The following VEPH1 variants were observed in gnomAD, a reference collection of about 807,000 sequenced individuals.
The protein encoded by VEPH1 is ventricular zone expressed PH domain containing 1, also known as ventricular zone-expressed PH domain-containing protein homolog 1.
Under a neutral mutation model 85.2 loss-of-function variants are expected in VEPH1, and 80 were observed. The observed-to-expected ratio is 0.94, with a 90% CI of 0.78 to 1.13. The LOEUF is 1.13. Ranked by LOEUF, VEPH1 falls within the 50% of genes most tolerant of loss-of-function variation. VEPH1 has a pLI of 0.00. For missense variants in VEPH1, 955 were observed against 980.5 expected, an observed-to-expected ratio of 0.97 and a Z score of 0.35; for synonymous variants, 297 against 348.0, an observed-to-expected ratio of 0.85 and a Z score of 1.63.
At chr3:157,388,846 T>C (rs1216427497) in intron 6 of VEPH1, among the ~76,000 whole-genome samples, 1 of 152,228 alleles carries the variant, frequency 6.6e-6, no homozygotes, top group Non-Finnish European at 1.5e-5. Context: ...ATATGTTGTA[T>C]GCAAGTCCTG....
At chr3:157,341,311 A>G (rs1723530994) in intron 9 of VEPH1, among the ~76,000 whole-genome samples, 1 of 152,224 alleles carries the variant, frequency 6.6e-6, no homozygotes. Context: ...TAGAATAACC[A>G]GTGTAGAGAA....
intron 7 of VEPH1, among the ~76,000 whole-genome samples, chr3:157,374,813 G>A (rs1425554031): frequency 6.6e-6 from 1 of 152,188 alleles, no homozygotes; most frequent in Non-Finnish European, 1.5e-5. Flanking sequence ...TGATGGTAAA[G>A]GTTAGTGGGG....
chr3:157,477,153 G>A (rs1423181139), intron 2 of VEPH1, among the ~76,000 whole-genome samples: 2 of 151,144 alleles, frequency 1.3e-5, no homozygotes, highest in Admixed American at 1.3e-4. Context: ...AAGTCAAGGT[G>A]TCAGCAGGGC....
chr3:157,462,311 A>C (rs561016182), intron 3 of VEPH1, among the ~76,000 whole-genome samples: 1 of 152,232 alleles, frequency 6.6e-6, no homozygotes, highest in Non-Finnish European at 1.5e-5. Flanking sequence ...TCTGAAGAAG[A>C]AGCACAGTTA....
At chr3:157,472,035 C>T (rs1017068056) in intron 2 of VEPH1, among the ~76,000 whole-genome samples, 2 of 152,168 alleles carry the variant, frequency 1.3e-5, no homozygotes, top group African/African-American at 4.8e-5. Context: ...GTTCCTCATC[C>T]GTCCCAGTCC....
intron 2 of VEPH1, among the ~76,000 whole-genome samples, chr3:157,489,690 T>C (rs1447666228): frequency 6.8e-6 from 1 of 146,544 alleles, no homozygotes; most frequent in East Asian, 2.0e-4. Context: ...TCTTACCCAA[T>C]TAAATGGATG....
intron 12 of VEPH1, among the ~76,000 whole-genome samples, chr3:157,275,069 A>T (rs1212174051): frequency 1.3e-5 from 2 of 152,174 alleles, no homozygotes; most frequent in Non-Finnish European, 2.9e-5. Flanking sequence ...TACTGTTCAC[A>T]TGGCACACTG....
At position 157,295,345 on chromosome 3, in the gene VEPH1, T is replaced by A. The variant is rs187807872; in HGVS notation, c.2011-8671A>T. ...TACCCAGGAGGCTGAGGTAGAAGGA[T>A]CACTTAAACCCAGGAGTTCGTGGAG... On this transcript the variant is annotated intron_variant, in intron 11 of 13. Coordinates refer to ENST00000362010, the MANE Select transcript of VEPH1 (RefSeq NM_001167912.2). Among the ~76,000 whole-genome samples, 11 of 152,012 alleles carry A rather than the reference T, an allele frequency of 7.2e-5. No homozygotes were observed. In the East Asian group the frequency reaches 2.1e-3, roughly 29 times the overall value.
chr3:157,267,631 A>G (rs553339251), intron 12 of VEPH1, among the ~76,000 whole-genome samples: 26 of 152,098 alleles, frequency 1.7e-4, no homozygotes, highest in African/African-American at 5.8e-4. Context: ...CCAAAAATAC[A>G]AAAATTAGCT....
intron 2 of VEPH1, among the ~76,000 whole-genome samples, chr3:157,479,538 T>C (rs917313749): frequency 3.3e-5 from 5 of 152,042 alleles, no homozygotes; most frequent in Non-Finnish European, 7.4e-5. Flanking sequence ...GATAAAGCAG[T>C]TGGTGGTGGG....
At chr3:157,340,130 C>T (rs546185576) in intron 9 of VEPH1, among the ~76,000 whole-genome samples, 12 of 152,282 alleles carry the variant, frequency 7.9e-5, no homozygotes, top group Non-Finnish European at 1.5e-4. Context: ...GCATTTCCAA[C>T]TGAGGTACCA....
chr3:157,288,122 A>G (rs927874273), intron 11 of VEPH1, among the ~76,000 whole-genome samples: 23 of 152,242 alleles, frequency 1.5e-4, no homozygotes, highest in Non-Finnish European at 3.1e-4. Context: ...CTCTTATGTA[A>G]ATGACTTGTA....
chr3:157,429,483 A>G (rs1347942843), intron 4 of VEPH1, among the ~76,000 whole-genome samples: 1 of 152,234 alleles, frequency 6.6e-6, no homozygotes, highest in Non-Finnish European at 1.5e-5. Flanking sequence ...ATTTAACGAA[A>G]GCGTGATTCT....
At chr3:157,373,697 T>C (rs941915788) in intron 7 of VEPH1, among the ~76,000 whole-genome samples, 1 of 152,154 alleles carries the variant, frequency 6.6e-6, no homozygotes, top group Non-Finnish European at 1.5e-5. Context: ...CCTCATTCCC[T>C]AGGCTAGAAC....
chr3:157,500,423 A>G (rs575342407), intron 1 of VEPH1, among the ~76,000 whole-genome samples: 2 of 152,292 alleles, frequency 1.3e-5, no homozygotes, highest in African/African-American at 4.8e-5. Context: ...GGGTGTGGTC[A>G]GGGTGGCCAC....
At chr3:157,273,032 A>G (rs1235069814) in intron 12 of VEPH1, among the ~76,000 whole-genome samples, 1 of 152,180 alleles carries the variant, frequency 6.6e-6, no homozygotes, top group Admixed American at 6.5e-5. Context: ...TTAGAGGGGG[A>G]AAACCATGGG....
intron 12 of VEPH1, among the ~76,000 whole-genome samples, chr3:157,269,642 G>GTTTTTTT (rs11408861): frequency 8.8e-4 from 102 of 115,434 alleles, no homozygotes; most frequent in Non-Finnish European, 1.0e-3. Context: ...TGTTTTTGTT[G>GTTTTTTT]TTTTTTTTTT....
chr3:157,314,720 C>T (rs1479791751), intron 10 of VEPH1, among the ~76,000 whole-genome samples: 1 of 151,920 alleles, frequency 6.6e-6, no homozygotes, highest in East Asian at 1.9e-4. Flanking sequence ...GTGGGGGACA[C>T]AAAAACAGTT....
intron 9 of VEPH1, among the ~76,000 whole-genome samples, chr3:157,352,586 T>G (rs183555416): frequency 5.9e-4 from 90 of 152,304 alleles, no homozygotes; most frequent in African/African-American, 2.1e-3. Flanking sequence ...AACTGATGAA[T>G]GCAGATGTCT....
Sources: gnomAD v4.1 joint callset for allele counts (sites outside exome capture counted in the v4.1 genomes callset) on GRCh38, gnomAD v4.1.1 for gene constraint, MANE v1.5 for transcripts, NCBI Gene and HGNC (gene_info 2026-07-23, HGNC 2026-07-21) for gene names.